The following DISC1 variants were observed in gnomAD, a reference collection of about 807,000 sequenced individuals.
DISC1 encodes DISC1 scaffold protein, also known as disrupted in schizophrenia 1 protein.
A neutral mutation model predicts 84.5 loss-of-function variants in DISC1; 57 were observed. The observed-to-expected ratio is 0.67, with a 90% confidence interval of 0.55 to 0.84. The LOEUF is 0.84. Ranked by LOEUF, DISC1 falls within the 40% of genes least tolerant of loss-of-function variation. DISC1 has a pLI of 0.00. For synonymous variants in DISC1, 411 were observed against 415.2 expected (o/e 0.99, Z 0.12); for missense variants, 1,000 against 1,057.8 (o/e 0.95, Z 0.76).
chr1:231,767,099 G>A (rs756024421), intron 4 of DISC1, 41 bp from the exon 5 acceptor site: 2 of 1,603,894 alleles, frequency 1.2e-6, no homozygotes, highest in Non-Finnish European at 1.7e-6. Context: ...GAGGATTTCA[G>A]CTTCTGCATA....
intron 6 of DISC1, among the ~76,000 whole-genome samples, chr1:231,772,619 C>T (rs2076640383): frequency 6.6e-6 from 1 of 152,168 alleles, no homozygotes. Context: ...ACATAGAAAA[C>T]TCTCAGCAGA....
chr1:231,874,866 G>A (rs570398125), intron 9 of DISC1, among the ~76,000 whole-genome samples: 34 of 148,438 alleles, frequency 2.3e-4, no homozygotes, highest in African/African-American at 6.8e-4. Context: ...AGCCGAGATC[G>A]CGCCACTACA....
intron 10 of DISC1, among the ~76,000 whole-genome samples, chr1:231,987,221 A>C (rs1301656326): frequency 6.6e-6 from 1 of 152,224 alleles, no homozygotes. Context: ...TACTTTGTGT[A>C]CTGGGGATAG....
At chr1:231,759,726 T>A (rs2075483922) in intron 4 of DISC1, among the ~76,000 whole-genome samples, 1 of 151,898 alleles carries the variant, frequency 6.6e-6, no homozygotes, top group Admixed American at 6.6e-5. Flanking sequence ...ATATTTGTTA[T>A]TACCAACAAA....
intron 9 of DISC1, among the ~76,000 whole-genome samples, chr1:231,921,155 C>T (rs939491583): frequency 4.0e-5 from 6 of 151,786 alleles, no homozygotes; most frequent in African/African-American, 1.5e-4. Context: ...ACCTCGTGAT[C>T]TGCCCGCCTC....
chr1:231,852,970 T>C (rs2084005877), intron 9 of DISC1, among the ~76,000 whole-genome samples: 1 of 152,230 alleles, frequency 6.6e-6, no homozygotes, highest in African/African-American at 2.4e-5. Context: ...AGCTATGGAT[T>C]TGGGCCCAAT....
intron 6 of DISC1, among the ~76,000 whole-genome samples, chr1:231,779,549 G>GTTTTTT (rs762129889): frequency 2.1e-4 from 11 of 53,580 alleles, no homozygotes; most frequent in Admixed American, 5.5e-4. Flanking sequence ...ACCTATTCTT[G>GTTTTTT]TTTTTTTTTT....
At chr1:231,837,624 G>A (rs2082718478) in intron 9 of DISC1, among the ~76,000 whole-genome samples, 1 of 152,094 alleles carries the variant, frequency 6.6e-6, no homozygotes, top group Non-Finnish European at 1.5e-5. Context: ...CTTATTATCT[G>A]CATGAAAGTA....
In DISC1 at chr1:231,659,488, T is replaced by C. The variant is rs549788684; in HGVS notation, c.67+32554T>C. On this transcript the variant is annotated intron_variant, in intron 1 of 12. Transcript: ENST00000439617. Reference sequence around the variant, plus strand: ...GTGTCTCTGTCTTCTTCACTTATTATGCCCTCATCCTGGTTATTTCTTGTC... The same window carrying C: ...GTGTCTCTGTCTTCTTCACTTATTACGCCCTCATCCTGGTTATTTCTTGTC... Among the ~76,000 whole-genome samples the C allele has an allele frequency of 3.9e-5, 6 of 152,314 alleles. No homozygotes were observed. In the East Asian group the frequency reaches 7.7e-4, roughly 20 times the overall value.
chr1:231,727,577 G>A (rs1167354060), intron 3 of DISC1, among the ~76,000 whole-genome samples: 5 of 152,120 alleles, frequency 3.3e-5, no homozygotes, highest in Non-Finnish European at 4.4e-5. Flanking sequence ...TCAGAGAGAC[G>A]CCCCTTGAGT....
intron 1 of DISC1, among the ~76,000 whole-genome samples, chr1:231,647,112 G>A (rs189726154): frequency 2.0e-5 from 3 of 152,198 alleles, no homozygotes; most frequent in African/African-American, 7.2e-5. Context: ...CATTGCTTTT[G>A]GTGTTTCAGT....
rs1209689701 is a variant in DISC1 at position 231,722,397 on chromosome 1, A to G, written c.1117+20373A>G. On this transcript the variant is annotated intron_variant, in intron 3 of 12. Coordinates refer to ENST00000439617, the MANE Select transcript of DISC1 (RefSeq NM_018662.3). ...CGGACAGCTCTGCCTGGACTGCTCT[A>G]TGAAATAGATCTTTCTACTTATCCA... 9.5e-6 allele frequency: 13 copies of G among 1,372,556 alleles called. No individual in the cohort carries two copies. In the Admixed American group the frequency reaches 9.8e-5, roughly 10 times the overall value. The allele number at this position is 1,372,556 out of a possible 1,614,324, so 85.0% of individuals were successfully genotyped here.
Position 231,630,324 on chromosome 1 carries a change from T to G in DISC1, c.67+3390T>G, listed in dbSNP as rs1338298251. On this transcript the variant is annotated intron_variant, in intron 1 of 12. Transcript: ENST00000439617. This position sits in a 1 kb window ranked among gnomAD's most constrained non-coding sequence, Gnocchi z 4.4. Reference sequence around the variant, plus strand: ...GTCATTAGACCAGAATTAGAATCATTCTTTTTTTTTCTTTTTTTAATTAAA... The same window carrying G: ...GTCATTAGACCAGAATTAGAATCATGCTTTTTTTTTCTTTTTTTAATTAAA... Among the ~76,000 whole-genome samples, 1 of 152,106 alleles carries G rather than the reference T, an allele frequency of 6.6e-6. No homozygotes were observed. The highest frequency in any genetic ancestry group is 6.5e-5 in the Admixed American group (1 of 15,280).
In DISC1 at chr1:232,040,677, C is replaced by T. The variant is rs894413302; in HGVS notation, c.*3846C>T. 1 of 152,176 alleles carries T rather than the reference C, an allele frequency of 6.6e-6. No individual in the cohort carries two copies. Among genetic ancestry groups the T allele is most frequent in the African/African-American group, 2.4e-5 (1 of 41,446 alleles). The allele number at this position is 152,176 out of a possible 1,614,324, so 9.4% of individuals were successfully genotyped here. On this transcript the variant is annotated 3_prime_UTR_variant, in exon 13 of 13. Transcript: ENST00000439617. Reference sequence around the variant, plus strand: ...TGAGCCATGGAACTTACTTGTTCACCTGGCTAAGAACTCATGGCCACTGTG... The same window carrying T: ...TGAGCCATGGAACTTACTTGTTCACTTGGCTAAGAACTCATGGCCACTGTG...
chr1:231,636,964 C>T (rs1250993038), intron 1 of DISC1, among the ~76,000 whole-genome samples: 1 of 152,036 alleles, frequency 6.6e-6, no homozygotes, highest in Non-Finnish European at 1.5e-5. Flanking sequence ...TGACCCCTAC[C>T]CCCCAGCAGG....
At chr1:231,699,156 G>T (rs144009128) in intron 2 of DISC1, among the ~76,000 whole-genome samples, 1 of 152,110 alleles carries the variant, frequency 6.6e-6, no homozygotes, top group African/African-American at 2.4e-5. Context: ...CTACAAGAGC[G>T]ATCAAATGCT....
intron 1 of DISC1, among the ~76,000 whole-genome samples, chr1:231,670,096 A>G (rs1572697174): frequency 6.6e-6 from 1 of 152,202 alleles, no homozygotes; most frequent in South Asian, 2.1e-4. Context: ...ATCCTTAGCA[A>G]ACTAACACAG....
At chr1:231,849,121 C>A (rs1042299802) in intron 9 of DISC1, among the ~76,000 whole-genome samples, 1 of 43,540 alleles carries the variant, frequency 2.3e-5, no homozygotes, top group Non-Finnish European at 4.2e-5. Context: ...TTATTATCCT[C>A]ATTTTTTTTT....
At chr1:232,005,359 C>G (rs1195424786) in intron 10 of DISC1, among the ~76,000 whole-genome samples, 1 of 152,046 alleles carries the variant, frequency 6.6e-6, no homozygotes, top group Non-Finnish European at 1.5e-5. Flanking sequence ...TAATTTCTTT[C>G]AGCATTTTAA....
Sources: allele counts gnomAD v4.1 joint callset (sites outside exome capture counted in the v4.1 genomes callset), GRCh38; gene constraint gnomAD v4.1.1; non-coding constraint Gnocchi (gnomAD v3.1); transcripts MANE v1.5; gene names NCBI Gene and HGNC (gene_info 2026-07-23, HGNC 2026-07-21).